WAC: variants seen among roughly 807,000 people sequenced by gnomAD.
WAC encodes the protein WW domain containing adaptor with coiled-coil, also known as WW domain-containing adapter protein with coiled-coil.
Under a neutral mutation model 79.6 loss-of-function variants are expected in WAC, and 11 were observed. The observed-to-expected ratio is 0.14, with a 90% confidence interval of 0.09 to 0.23. The LOEUF is 0.23. Ranked by LOEUF, WAC falls within the 10% of genes least tolerant of loss-of-function variation. The pLI is 1.00. For missense variants in WAC, 728 were observed against 773.5 expected (o/e 0.94, Z 0.70); for synonymous variants, 304 against 276.9 (o/e 1.10, Z -0.97).
chr10:28,605,622 G>A (rs1840902582), intron 7 of WAC, among the ~76,000 whole-genome samples: 1 of 152,058 alleles, frequency 6.6e-6, no homozygotes, highest in African/African-American at 2.4e-5. Context: ...AGAAATTAAG[G>A]ATGTTTTTGT....
chr10:28,535,440 T>C, intron 2 of WAC, 122 bp from the exon 3 acceptor site: 1 of 1,257,604 alleles, frequency 8.0e-7, no homozygotes, highest in Non-Finnish European at 1.1e-6. Context: ...GAATTGAAAG[T>C]GGAAATTTTA....
intron 4 of WAC, among the ~76,000 whole-genome samples, chr10:28,585,167 A>C (rs1052869718): frequency 6.6e-6 from 1 of 152,186 alleles, no homozygotes; most frequent in Non-Finnish European, 1.5e-5. Context: ...CTCAGGTAAC[A>C]CATACAGTAA....
rs1306295813 is a variant in WAC at position 28,595,888 on chromosome 10, C to G, written c.766C>G (p.Pro256Ala). 1.2e-6 allele frequency: 2 copies of G among 1,614,170 alleles called. No individual in the cohort carries two copies. Among genetic ancestry groups the G allele is most frequent in the South Asian group, 2.2e-5 (2 of 91,088 alleles). Residue 256 changes from proline (P) to alanine (A), a missense_variant, in exon 7 of 14, where the codon CCA becomes GCA. Physicochemically the swap from Pro to Ala is conservative, Grantham distance 27. Transcript: ENST00000354911. ...VQHPIKPVVH[P>A]TATPSTVPSS... Reference sequence around the variant, plus strand: ...GCACCCCATCAAACCAGTGGTTCATCCAACTGCTACCCCAAGCACTGTTCC... The same window carrying G: ...GCACCCCATCAAACCAGTGGTTCATGCAACTGCTACCCCAAGCACTGTTCC...
chr10:28,553,338 T>C lies in WAC; in HGVS notation c.274+17581T>C, dbSNP rs555588625. 3.5e-4 allele frequency among the ~76,000 whole-genome samples: 53 copies of C among 152,342 alleles called. No homozygotes were observed. The East Asian group carries it at 6.7e-3, about 19-fold the overall frequency. On this transcript the variant is annotated intron_variant, in intron 3 of 13. Coordinates refer to ENST00000354911, the MANE Select transcript of WAC (RefSeq NM_016628.5). ...TTCAATTTAGTAAATCTTAAGCTGC[T>C]TGCCAGATACAGTATTCATTTTCTG... is the stretch of plus-strand genomic sequence containing the variant.
chr10:28,566,472 T>C (rs890479279), intron 3 of WAC, among the ~76,000 whole-genome samples: 7 of 152,220 alleles, frequency 4.6e-5, no homozygotes, highest in African/African-American at 1.4e-4. Flanking sequence ...TTTAGCTGGA[T>C]TTGGTGTACA....
At chr10:28,563,367 C>CA (rs1020534008) in intron 3 of WAC, among the ~76,000 whole-genome samples, 2 of 152,062 alleles carry the variant, frequency 1.3e-5, no homozygotes, top group African/African-American at 4.8e-5. Context: ...AGAGGAAAAA[C>CA]AAAAGAGTTA....
chr10:28,551,784 T>TGTGTGTGTGTG (rs1837682780), intron 3 of WAC, among the ~76,000 whole-genome samples: 41 of 124,814 alleles, frequency 3.3e-4, no homozygotes, highest in South Asian at 1.3e-3. Flanking sequence ...TCCTGTCTAC[T>TGTGTGTGTGTG]TGTGTGTGTG....
intron 7 of WAC, 68 bp downstream of exon 7, chr10:28,596,109 T>C (rs1840350208): frequency 6.9e-7 from 1 of 1,447,130 alleles, no homozygotes; most frequent in Non-Finnish European, 9.3e-7. Flanking sequence ...GTTTCTTATA[T>C]ATTACATTAT....
In WAC at chr10:28,558,669, A is replaced by G. The variant is rs1310552693; in HGVS notation, c.274+22912A>G. Among the ~76,000 whole-genome samples, 4 of 152,216 alleles carry G rather than the reference A, an allele frequency of 2.6e-5. No individual in the cohort carries two copies. In the East Asian group the frequency reaches 7.7e-4, roughly 29 times the overall value. On this transcript the variant is annotated intron_variant, in intron 3 of 13. Transcript: ENST00000354911. ...TGCCTTCATTGTATCAGAGACTAAA[A>G]TCATGGGTATTAATGAAAGCAAGTA...
chr10:28,559,916 C>CTT (rs1838211233), intron 3 of WAC, among the ~76,000 whole-genome samples: 1 of 152,120 alleles, frequency 6.6e-6, no homozygotes, highest in Admixed American at 6.5e-5. Flanking sequence ...CATGTAAGGT[C>CTT]TTGCAGGCTT....
intron 3 of WAC, among the ~76,000 whole-genome samples, chr10:28,558,200 CTT>C (rs1838104557): frequency 6.6e-6 from 1 of 152,098 alleles, no homozygotes. Context: ...AGAGAGAAAA[CTT>C]TGTGAAATTA....
chr10:28,552,120 T>G (rs1431635552), intron 3 of WAC, among the ~76,000 whole-genome samples: 1 of 152,232 alleles, frequency 6.6e-6, no homozygotes, highest in East Asian at 1.9e-4. Flanking sequence ...CCAGCCCTTG[T>G]ATGTGTATTG....
At chr10:28,548,445 G>A (rs945840740) in intron 3 of WAC, among the ~76,000 whole-genome samples, 2 of 152,020 alleles carry the variant, frequency 1.3e-5, no homozygotes, top group Non-Finnish European at 2.9e-5. Context: ...TAATTTTTAA[G>A]TGTACACTCC....
intron 7 of WAC, among the ~76,000 whole-genome samples, chr10:28,597,438 C>T (rs1840435629): frequency 6.6e-6 from 1 of 152,152 alleles, no homozygotes; most frequent in Non-Finnish European, 1.5e-5. Flanking sequence ...CCCATGTCAC[C>T]TTTGTACATT....
intron 3 of WAC, among the ~76,000 whole-genome samples, chr10:28,545,570 G>A (rs923589411): frequency 1.3e-5 from 2 of 152,166 alleles, no homozygotes; most frequent in South Asian, 4.1e-4. Context: ...TACACAGAAG[G>A]GAAGAGGAAC....
Position 28,581,830 on chromosome 10 carries a change from C to A in WAC, c.275-1569C>A, listed in dbSNP as rs1462531876. Among the ~76,000 whole-genome samples the A allele has an allele frequency of 5.3e-5, 8 of 152,046 alleles. No homozygotes were observed. In the East Asian group the frequency reaches 9.6e-4, roughly 18 times the overall value. ...ACCTGCCTCGGCCTCCCAAAGTGTT[C>A]AGCTTATTTTTGACTGATTTCTTCT... On this transcript the variant is annotated intron_variant, in intron 3 of 13. Transcript: ENST00000354911.
chr10:28,608,026 C>CT (rs1459616014), intron 7 of WAC, among the ~76,000 whole-genome samples, 160 bp from the exon 8 acceptor site: 1 of 152,166 alleles, frequency 6.6e-6, no homozygotes, highest in African/African-American at 2.4e-5. Context: ...TTATTCTAGT[C>CT]ATGTGAATGT....
chr10:28,611,230 A>G, intron 9 of WAC: 1 of 1,283,622 alleles, frequency 7.8e-7, no homozygotes, highest in Non-Finnish European at 1.0e-6. Flanking sequence ...TAATATGGAA[A>G]TGCTCATTTT....
chr10:28,542,622 G>A (rs925763978), intron 3 of WAC, among the ~76,000 whole-genome samples: 4 of 152,152 alleles, frequency 2.6e-5, no homozygotes, highest in African/African-American at 7.2e-5. Context: ...TAAAGTGATG[G>A]ATGGAAGATA....
Sources: allele counts gnomAD v4.1 joint callset (sites outside exome capture counted in the v4.1 genomes callset), GRCh38; gene constraint gnomAD v4.1.1; transcripts MANE v1.5; gene names NCBI Gene and HGNC (gene_info 2026-07-23, HGNC 2026-07-21).